The following MICALL2 variants were observed in gnomAD, a reference collection of about 807,000 sequenced individuals.
The protein encoded by MICALL2 is MICAL-like protein 2.
MICALL2 carries 111 observed loss-of-function variants against 91.1 expected under a neutral mutation model. The observed-to-expected ratio is 1.22, with a 90% CI of 1.04 to 1.43. The LOEUF (loss-of-function observed/expected upper bound fraction) is 1.43. MICALL2 is among the 40% of genes most tolerant of loss of function. The pLI is 0.00. For synonymous variants in MICALL2, 694 were observed against 525.3 expected, an observed-to-expected ratio of 1.32 and a Z score of -4.39; for missense variants, 1,556 against 1,236.0, an observed-to-expected ratio of 1.26 and a Z score of -3.88.
At chr7:1,434,745 T>C (rs1779882791) in intron 16 of MICALL2, 73 bp from the exon 17 acceptor site, 1 of 1,417,310 alleles carries the variant, frequency 7.1e-7, no homozygotes, top group Non-Finnish European at 9.5e-7. Context: ...CAAGTCCCCC[T>C]GCCAGAAACA....
At position 1,437,557 on chromosome 7, in the gene MICALL2, C is replaced by T; in HGVS notation, c.2454G>A (p.Leu818=). Residue 818 remains leucine (L), a synonymous_variant, in exon 14 of 17, where the codon CTG becomes CTA. Coordinates refer to ENST00000297508, the MANE Select transcript of MICALL2 (RefSeq NM_182924.4). ...CACCGGGCTTGGCCATGAGCCGGCG[C>T]AGCTCGCCCTCGATGTCCAGCTGCT... ...EEQQLDIEGE[L]RRLMAKPEAL... 1 of 1,532,328 alleles carries T rather than the reference C, an allele frequency of 6.5e-7. No individual in the cohort carries two copies. Among genetic ancestry groups the T allele is most frequent in the East Asian group, 2.5e-5 (1 of 40,734 alleles). The allele number at this position is 1,532,328 out of a possible 1,614,324, so 94.9% of individuals were successfully genotyped here.
chr7:1,439,542 C>T (rs562044231), intron 9 of MICALL2: 43 of 213,176 alleles, frequency 2.0e-4, no homozygotes, highest in African/African-American at 1.0e-3. Context: ...CATGGACACG[C>T]ATCACACATG....
intron 16 of MICALL2, chr7:1,434,884 C>T: frequency 4.2e-6 from 3 of 709,998 alleles, no homozygotes; most frequent in Non-Finnish European, 6.9e-6. Flanking sequence ...ACCACACGGT[C>T]ACCAGCTGCC....
chr7:1,439,062 C>G (rs1584201494), intron 9 of MICALL2, 67 bp from the exon 10 acceptor site: 2 of 1,291,560 alleles, frequency 1.5e-6, no homozygotes, highest in Non-Finnish European at 2.1e-6. Context: ...GGGTCTGTCC[C>G]AGCACAGCCA....
chr7:1,458,401 C>T (rs138229436), intron 1 of MICALL2, among the ~76,000 whole-genome samples: 1 of 152,260 alleles, frequency 6.6e-6, no homozygotes, highest in Non-Finnish European at 1.5e-5. Context: ...TGAGGGCCCC[C>T]CTTCCTGAGC....
chr7:1,454,055 G>A (rs577044499), intron 1 of MICALL2, among the ~76,000 whole-genome samples: 6 of 152,176 alleles, frequency 3.9e-5, no homozygotes, highest in South Asian at 2.1e-4. Context: ...GAGTCCAGCC[G>A]GCCTCTGCCC....
At chr7:1,445,968 G>C (rs1181649257) in intron 5 of MICALL2, among the ~76,000 whole-genome samples, 2 of 151,042 alleles carry the variant, frequency 1.3e-5, no homozygotes, top group African/African-American at 4.9e-5. Flanking sequence ...CTGAGGCACA[G>C]AAGGGAGACT....
intron 1 of MICALL2, among the ~76,000 whole-genome samples, chr7:1,450,884 A>G (rs1357198877): frequency 6.6e-6 from 1 of 152,192 alleles, no homozygotes; most frequent in Non-Finnish European, 1.5e-5. Context: ...TGTCCTTCTC[A>G]GCGCTTCACA....
intron 16 of MICALL2, 145 bp from the exon 17 acceptor site, chr7:1,434,817 C>T (rs942033377): frequency 5.5e-5 from 49 of 893,640 alleles, no homozygotes; most frequent in Admixed American, 2.3e-4. Flanking sequence ...AGCCCTGTGC[C>T]CTCCCACGTG....
chr7:1,439,198 C>G, intron 9 of MICALL2: 1 of 548,276 alleles, frequency 1.8e-6, no homozygotes, highest in South Asian at 2.4e-5. Context: ...GGCTAACCCA[C>G]GGGGCTGCTG....
At chr7:1,445,530 C>A (rs1055179773) in intron 5 of MICALL2, 102 bp from the exon 6 acceptor site, 36 of 1,198,686 alleles carry the variant, frequency 3.0e-5, no homozygotes, top group Non-Finnish European at 4.1e-5. Flanking sequence ...CCTGTGTCCA[C>A]TTGCGAGGTT....
intron 15 of MICALL2, among the ~76,000 whole-genome samples, chr7:1,436,247 C>T (rs561211241): frequency 2.0e-5 from 3 of 151,824 alleles, no homozygotes; most frequent in South Asian, 2.1e-4. Context: ...AAAAATTAGC[C>T]GGGCATGGTG....
chr7:1,438,723 T>A, intron 10 of MICALL2, 117 bp downstream of exon 10: 1 of 1,492,936 alleles, frequency 6.7e-7, no homozygotes, highest in Middle Eastern at 1.8e-4. Context: ...CCTCCAGGCT[T>A]TCCCTCCATT....
intron 1 of MICALL2, among the ~76,000 whole-genome samples, chr7:1,455,276 G>C (rs1261722475): frequency 1.2e-4 from 19 of 152,256 alleles, no homozygotes; most frequent in Admixed American, 1.2e-3. Context: ...GACTGGCTGA[G>C]GGAGGTGAGG....
In MICALL2 at chr7:1,447,687, G is replaced by C; in HGVS notation, c.413C>G (p.Ala138Gly). 4.4e-6 allele frequency: 7 copies of C among 1,580,918 alleles called. No individual in the cohort carries two copies. The highest frequency in any genetic ancestry group is 6.0e-6 in the Non-Finnish European group (7 of 1,164,310). ...EPSGKKAPVQ[A>G]AKLPSPAPAR... ...TGGGGCGGGCGAGGGCAGCTTGGCC[G>C]CCTGGACTGGAGCCTTCTTCCCTGA... Residue 138 changes from alanine (A) to glycine (G), a missense_variant, in exon 4 of 17, where the codon GCG (alanine) becomes GGG (glycine). Coordinates refer to ENST00000297508, the MANE Select transcript of MICALL2 (RefSeq NM_182924.4).
intron 7 of MICALL2, 169 bp downstream of exon 7, chr7:1,442,023 C>T (rs1780304023): frequency 1.0e-5 from 8 of 782,818 alleles, no homozygotes; most frequent in Non-Finnish European, 1.2e-5. Flanking sequence ...ACAGAGAGCG[C>T]ACCAGGACCC....
At chr7:1,458,880 C>T (rs899620886) in intron 1 of MICALL2, among the ~76,000 whole-genome samples, 6 of 152,250 alleles carry the variant, frequency 3.9e-5, no homozygotes, top group African/African-American at 1.4e-4. Flanking sequence ...AAAGAGGCAG[C>T]TCTGCTGGCC....
At position 1,448,776 on chromosome 7, in the gene MICALL2, AG is replaced by A. The variant is rs1780707094; in HGVS notation, c.193-16del. 6.2e-7 allele frequency: 1 copy of A among 1,611,794 alleles called. No homozygotes were observed. The highest frequency in any genetic ancestry group is 1.1e-5 in the South Asian group (1 of 91,022). Reference sequence around the variant, plus strand: ...ACGCGGAAGGCCTGCGAAAGGTGGGAGGGGGTCAGCGGGGCAGCTGGGAGCC... The same window carrying A: ...ACGCGGAAGGCCTGCGAAAGGTGGGAGGGGTCAGCGGGGCAGCTGGGAGCC... On this transcript the variant is annotated splice_polypyrimidine_tract_variant and intron_variant, in intron 2 of 16. Coordinates refer to ENST00000297508, the MANE Select transcript of MICALL2 (RefSeq NM_182924.4).
intron 13 of MICALL2, 25 bp from the exon 14 acceptor site, chr7:1,437,633 G>A: frequency 6.5e-7 from 1 of 1,535,304 alleles, no homozygotes; most frequent in Middle Eastern, 2.2e-4. Flanking sequence ...CGCGTCTGAG[G>A]CCTGACTCTG....
Sources: gnomAD v4.1 joint callset for allele counts (sites outside exome capture counted in the v4.1 genomes callset) on GRCh38, gnomAD v4.1.1 for gene constraint, MANE v1.5 for transcripts, NCBI Gene and HGNC (gene_info 2026-07-23, HGNC 2026-07-21) for gene names.